The following ZNF600 variants were observed in gnomAD, a reference collection of about 807,000 sequenced individuals.
The protein encoded by ZNF600 is zinc finger protein KR-ZNF1.
ZNF600 carries 4 observed loss-of-function variants against 7.3 expected under a neutral mutation model. The ratio of observed to expected loss-of-function variants is 0.55; its 90% CI spans 0.27 to 1.25. The LOEUF (loss-of-function observed/expected upper bound fraction) is 1.25. Among genes scored for constraint, ZNF600 ranks in the 50% most tolerant of loss-of-function variants. ZNF600 has a pLI of 0.12. For missense variants in ZNF600, 911 were observed against 922.1 expected (o/e 0.99, Z 0.16); for synonymous variants, 290 against 308.9 (o/e 0.94, Z 0.64).
At chr19:52,822,112 G>A in the ZNF600 span, among the ~76,000 whole-genome samples, 1 of 81,328 alleles carries the variant, frequency 1.2e-5, no homozygotes, top group Non-Finnish European at 2.3e-5. Context: ...TTTCTCTGTC[G>A]CCCTGGCTGG....
the ZNF600 span, chr19:52,810,111 G>C: frequency 1.6e-4 from 132 of 810,748 alleles, 2 homozygotes; most frequent in South Asian, 1.7e-3. Context: ...CCAAGAGGAG[G>C]GGGAGGAGCC....
At chr19:52,807,927 A>G in the ZNF600 span, 2 of 1,599,496 alleles carry the variant, frequency 1.3e-6, no homozygotes, top group South Asian at 2.2e-5. Flanking sequence ...ATTTTAGTCA[A>G]GTAAGGATGT....
chr19:52,775,700 A>G (rs7507442), intron 2 of ZNF600, among the ~76,000 whole-genome samples: 77,631 of 152,100 alleles, frequency 0.51, 22,610 homozygotes, highest in Non-Finnish European at 0.68. Context: ...TTGAATGAAA[A>G]GTCTGAATCT....
At chr19:52,807,149 C>T in the ZNF600 span, among the ~76,000 whole-genome samples, 1 of 152,096 alleles carries the variant, frequency 6.6e-6, no homozygotes, top group Non-Finnish European at 1.5e-5. Flanking sequence ...TCACTTAACT[C>T]TCCACAGTCC....
chr19:52,801,623 C>T, the ZNF600 span: 1 of 1,614,026 alleles, frequency 6.2e-7, no homozygotes, highest in Non-Finnish European at 8.5e-7. Flanking sequence ...CTTGTCTTTG[C>T]AATGTCCCTG....
chr19:52,798,308 T>C, the ZNF600 span: 3 of 284,628 alleles, frequency 1.1e-5, no homozygotes, highest in South Asian at 1.0e-4. Context: ...CCCAGTCCTC[T>C]TAACATAAAC....
chr19:52,791,393 G>A (rs1400391076), upstream of ZNF600, among the ~76,000 whole-genome samples: 1 of 152,236 alleles, frequency 6.6e-6, no homozygotes, highest in Non-Finnish European at 1.5e-5. Flanking sequence ...GCAAGTGAAT[G>A]TGTCAGACAA....
chr19:52,779,763 A>AC lies in ZNF600; in HGVS notation c.-19-857dup, dbSNP rs2062705571. Among the ~76,000 whole-genome samples the AC allele has an allele frequency of 4.6e-5, 7 of 152,194 alleles. No individual in the cohort carries two copies. The South Asian group carries it at 8.3e-4, about 18-fold the overall frequency. On this transcript the variant is annotated intron_variant, in intron 1 of 3. Transcript: ENST00000648973. ...GACTAATCAGAAACTCAAAAGAAGG[A>AC]CCCAGCACAGTGGCTCAGGACTGTA...
the ZNF600 span, chr19:52,801,842 G>T: frequency 1.3e-6 from 1 of 798,530 alleles, no homozygotes. Flanking sequence ...CACAAAAGGA[G>T]TAAGATTCTT....
the ZNF600 span, among the ~76,000 whole-genome samples, chr19:52,815,926 T>C: frequency 2.7e-5 from 4 of 147,526 alleles, no homozygotes; most frequent in Non-Finnish European, 5.9e-5. Context: ...GTAACAAACC[T>C]TCACATGTAG....
At chr19:52,824,634 C>A in the ZNF600 span, among the ~76,000 whole-genome samples, 1 of 151,002 alleles carries the variant, frequency 6.6e-6, no homozygotes, top group Admixed American at 6.6e-5. Context: ...GACTCCATCT[C>A]AAAAAAAAGA....
At chr19:52,770,353 A>C (rs2147503571) in intron 3 of ZNF600, among the ~76,000 whole-genome samples, 1 of 152,294 alleles carries the variant, frequency 6.6e-6, no homozygotes, top group Middle Eastern at 3.4e-3. Context: ...GAAGCAAAAG[A>C]ATCATTTGAA....
the ZNF600 span, among the ~76,000 whole-genome samples, chr19:52,823,255 C>G: frequency 2.0e-5 from 3 of 151,940 alleles, no homozygotes; most frequent in African/African-American, 7.3e-5. Flanking sequence ...GCTCTGTTGC[C>G]CAGGCTGGAG....
chr19:52,802,069 T>C, the ZNF600 span, among the ~76,000 whole-genome samples: 3 of 152,204 alleles, frequency 2.0e-5, no homozygotes, highest in Non-Finnish European at 4.4e-5. Context: ...ACAGCGTATT[T>C]AGTGTATACA....
At position 52,777,962 on chromosome 19, in the gene ZNF600, G is replaced by C. The variant is rs187753868; in HGVS notation, c.63+864C>G. On this transcript the variant is annotated intron_variant, in intron 2 of 3. Coordinates refer to ENST00000648973, the Ensembl canonical transcript of ZNF600. Reference sequence around the variant, plus strand: ...GGAGTTTGAGGCTGCTGTAAACTCTGAATTGTACCATTGTACTCCAGAACT... The same window carrying C: ...GGAGTTTGAGGCTGCTGTAAACTCTCAATTGTACCATTGTACTCCAGAACT... Among the ~76,000 whole-genome samples, 306 of 152,230 alleles carry C rather than the reference G, an allele frequency of 2.0e-3. 1 individual carries two copies. The highest frequency in any genetic ancestry group is 5.8e-3 in the Admixed American group (88 of 15,282).
the ZNF600 span, among the ~76,000 whole-genome samples, chr19:52,804,236 A>G: frequency 7.0e-4 from 106 of 152,306 alleles, no homozygotes; most frequent in African/African-American, 2.4e-3. Flanking sequence ...TGGATTTCCC[A>G]CTTTCCAAAT....
upstream of ZNF600, among the ~76,000 whole-genome samples, chr19:52,787,265 G>A (rs1163374748): frequency 6.6e-6 from 1 of 151,906 alleles, no homozygotes; most frequent in Admixed American, 6.6e-5. Flanking sequence ...GGCACGAGGC[G>A]GAAGCCTGAG....
chr19:52,832,865 G>T, the ZNF600 span, among the ~76,000 whole-genome samples: 1 of 152,054 alleles, frequency 6.6e-6, no homozygotes, highest in East Asian at 1.9e-4. Flanking sequence ...TCCACCTCCC[G>T]GATTCAAGTG....
At chr19:52,819,617 G>C in the ZNF600 span, among the ~76,000 whole-genome samples, 46,511 of 111,714 alleles carry the variant, frequency 0.42, 12,803 homozygotes, top group East Asian at 0.83. Context: ...ACATTTTCAC[G>C]AAGTTACCCT....
Sources: allele counts gnomAD v4.1 joint callset (sites outside exome capture counted in the v4.1 genomes callset), GRCh38; gene constraint gnomAD v4.1.1; transcripts MANE v1.5; gene names NCBI Gene and HGNC (gene_info 2026-07-23, HGNC 2026-07-21).